The following SYN3 variants were observed in gnomAD, a reference collection of about 807,000 sequenced individuals.
SYN3 encodes the protein synapsin III.
A neutral mutation model predicts 65.8 loss-of-function variants in SYN3; 35 were observed. The observed-to-expected ratio is 0.53, with a 90% CI of 0.41 to 0.70. The LOEUF (loss-of-function observed/expected upper bound fraction) is 0.70, where lower values mean the gene tolerates loss of function less well. Ranked by LOEUF, SYN3 falls within the 30% of genes least tolerant of loss-of-function variation. The probability of loss-of-function intolerance (pLI) is 0.00; values close to 1 mark genes in which losing one functional copy is unlikely to be tolerated. For missense variants in SYN3, 680 were observed against 749.0 expected, an observed-to-expected ratio of 0.91 and a Z score of 1.08; for synonymous variants, 270 against 292.9, an observed-to-expected ratio of 0.92 and a Z score of 0.80.
chr22:33,014,370 T>C (rs994143284), intron 1 of SYN3: 6 of 152,248 alleles, frequency 3.9e-5, no homozygotes, highest in African/African-American at 1.4e-4. Flanking sequence ...ATAGCTCTGA[T>C]AAATTGATTT....
intron 4 of SYN3, among the ~76,000 whole-genome samples, chr22:32,871,297 T>C (rs1323596843): frequency 6.6e-6 from 1 of 152,240 alleles, no homozygotes; most frequent in Non-Finnish European, 1.5e-5. Context: ...ATGGCTTGTT[T>C]TGGGATCCCC....
intron 1 of SYN3, among the ~76,000 whole-genome samples, chr22:33,056,660 G>A (rs759399128): frequency 2.0e-5 from 3 of 152,160 alleles, no homozygotes; most frequent in African/African-American, 4.8e-5. Context: ...TCTCAGAAGC[G>A]CCAAGTCTTT....
At chr22:32,757,069 G>C (rs1280630031) in intron 6 of SYN3, among the ~76,000 whole-genome samples, 2 of 150,750 alleles carry the variant, frequency 1.3e-5, no homozygotes, top group Non-Finnish European at 3.0e-5. Context: ...AGGGGGGGTG[G>C]TTTGGAGGAA....
At position 32,611,289 on chromosome 22, in the gene SYN3, T is replaced by TG. The variant is rs1038994301; in HGVS notation, c.712-14554_712-14553insC. ...TCAGCTAGAGTTTTTTTTTTGTTTT[T>TG]TTTTTTTTTTTTTTTTGTGGGGGGG... On this transcript the variant is annotated intron_variant, in intron 6 of 13. Coordinates refer to ENST00000358763, the MANE Select transcript of SYN3 (RefSeq NM_003490.4). 3.0e-5 allele frequency among the ~76,000 whole-genome samples: 3 copies of TG among 99,138 alleles called. 1 individual carries two copies. 65.0% of individuals were successfully genotyped at this position (99,138 alleles called of 152,430 possible).
At chr22:32,901,476 T>A (rs1042412524) in intron 4 of SYN3, among the ~76,000 whole-genome samples, 2 of 152,192 alleles carry the variant, frequency 1.3e-5, no homozygotes, top group African/African-American at 4.8e-5. Flanking sequence ...CAAGTCCAAT[T>A]CCTTATCTTG....
chr22:32,526,755 G>A (rs11705395), intron 12 of SYN3, among the ~76,000 whole-genome samples: 6,449 of 152,088 alleles, frequency 0.042, 168 homozygotes, highest in Non-Finnish European at 0.064. Flanking sequence ...TCCTGACCTC[G>A]TGATCCGCCC....
At chr22:32,643,552 G>A (rs1007255706) in intron 6 of SYN3, among the ~76,000 whole-genome samples, 12 of 128,756 alleles carry the variant, frequency 9.3e-5, no homozygotes, top group Admixed American at 1.5e-4. Flanking sequence ...GAAATGGTGG[G>A]GGGGCGGGGG....
Position 33,006,422 on chromosome 22 carries a change from G to C in SYN3, c.241C>G (p.Pro81Ala), listed in dbSNP as rs1193461770. ...TGAACAATGGGCGTGGAGGGACCTG[G>C]AGGCTCCATCAGTCCTGAGGTGGCC... ...PQATSGLMEP[P>A]GPSTPIVQRP... Residue 81 changes from proline to alanine, a missense_variant, in exon 2 of 14, where the codon CCA becomes GCA. Pro to Ala is a conservative substitution (Grantham distance 27). Coordinates refer to ENST00000358763, the MANE Select transcript of SYN3 (RefSeq NM_003490.4). 1 of 1,614,188 alleles carries C rather than the reference G, an allele frequency of 6.2e-7. No individual in the cohort carries two copies. Among genetic ancestry groups the C allele is most frequent in the South Asian group, 1.1e-5 (1 of 91,080 alleles).
intron 4 of SYN3, among the ~76,000 whole-genome samples, chr22:32,924,139 A>G (rs1397447508): frequency 6.6e-6 from 1 of 152,262 alleles, no homozygotes; most frequent in African/African-American, 2.4e-5. Context: ...CTAGTGCTGC[A>G]ATGAACATTT....
intron 3 of SYN3, among the ~76,000 whole-genome samples, chr22:32,979,936 GCA>G (rs1431089254): frequency 6.6e-6 from 1 of 152,134 alleles, no homozygotes; most frequent in Admixed American, 6.5e-5. Flanking sequence ...CTAAGGCTGA[GCA>G]CAGTGTTTGG....
rs559121614 is a variant in SYN3 at position 32,834,586 on chromosome 22, G to A, written c.711+30329C>T. Among the ~76,000 whole-genome samples the A allele has an allele frequency of 5.9e-4, 90 of 152,328 alleles. 3 individuals carry two copies. The South Asian group carries it at 0.018, about 30-fold the overall frequency. ...TGTGCAGTGGAGGTGGCAGGGGGAG[G>A]TGGCTGGTGCTGTGTATGTTTTGCA... is the stretch of plus-strand genomic sequence containing the variant. On this transcript the variant is annotated intron_variant, in intron 6 of 13. Coordinates refer to ENST00000358763, the MANE Select transcript of SYN3 (RefSeq NM_003490.4).
chr22:32,778,240 A>G (rs1569216636), intron 6 of SYN3, among the ~76,000 whole-genome samples: 2 of 152,176 alleles, frequency 1.3e-5, no homozygotes, highest in Non-Finnish European at 2.9e-5. Context: ...AGACAAGGCT[A>G]TTCTCATGCC....
At chr22:32,556,983 T>C (rs1400016596) in intron 7 of SYN3, among the ~76,000 whole-genome samples, 2 of 151,978 alleles carry the variant, frequency 1.3e-5, no homozygotes, top group Non-Finnish European at 2.9e-5. Flanking sequence ...TTTAAAAAAG[T>C]CCACACTTTA....
intron 7 of SYN3, among the ~76,000 whole-genome samples, chr22:32,581,923 C>T (rs1015066369): frequency 3.3e-5 from 5 of 151,032 alleles, no homozygotes; most frequent in Non-Finnish European, 5.9e-5. Flanking sequence ...CCTTGGTCTC[C>T]CAAGTAGCTG....
At chr22:32,576,117 G>T (rs1463743258) in intron 7 of SYN3, among the ~76,000 whole-genome samples, 1 of 152,152 alleles carries the variant, frequency 6.6e-6, no homozygotes, top group Non-Finnish European at 1.5e-5. Context: ...GCCTGAGTAT[G>T]GTTCTATCGA....
intron 6 of SYN3, chr22:32,802,150 C>A: frequency 6.4e-7 from 1 of 1,568,930 alleles, no homozygotes; most frequent in African/African-American, 1.3e-5. Flanking sequence ...CCCGCCCGAG[C>A]CCCACGCTGC....
At chr22:32,765,912 C>T (rs1431368266) in intron 6 of SYN3, among the ~76,000 whole-genome samples, 1 of 152,170 alleles carries the variant, frequency 6.6e-6, no homozygotes, top group Non-Finnish European at 1.5e-5. Context: ...AGAGTAATCC[C>T]TTATAAGCTG....
chr22:32,692,277 T>C (rs903758829), intron 6 of SYN3, among the ~76,000 whole-genome samples: 42 of 151,780 alleles, frequency 2.8e-4, no homozygotes, highest in African/African-American at 8.2e-4. Flanking sequence ...TAGAAACTGC[T>C]GCAAACAACC....
rs191030926 is a variant in SYN3 at position 32,552,840 on chromosome 22, T to A, written c.775-11127A>T. Among the ~76,000 whole-genome samples, 535 of 152,360 alleles carry A rather than the reference T, an allele frequency of 3.5e-3. 8 individuals are homozygous for A. Among genetic ancestry groups the A allele is most frequent in the Admixed American group, 0.024 (371 of 15,314 alleles). ...TGATGATTGGCTGTTTCCTATAATG[T>A]CACTTAGTTAGGCTTCTGTCTTACT... On this transcript the variant is annotated intron_variant, in intron 7 of 13. Transcript: ENST00000358763.
Sources: gnomAD v4.1 joint callset for allele counts (sites outside exome capture counted in the v4.1 genomes callset) on GRCh38, gnomAD v4.1.1 for gene constraint, MANE v1.5 for transcripts, NCBI Gene and HGNC (gene_info 2026-07-23, HGNC 2026-07-21) for gene names.